The following CD6 variants were observed in gnomAD, a reference collection of about 807,000 sequenced individuals.
CD6 encodes the protein T-cell differentiation antigen CD6.
CD6 carries 53 observed loss-of-function variants against 75.3 expected under a neutral mutation model. The ratio of observed to expected loss-of-function variants is 0.70; its 90% CI spans 0.56 to 0.88. The LOEUF (loss-of-function observed/expected upper bound fraction) is 0.88, where lower values mean the gene tolerates loss of function less well. CD6 is among the 40% of genes least tolerant of loss of function. CD6 has a pLI of 0.00. For synonymous variants in CD6, 359 were observed against 381.5 expected (o/e 0.94, Z 0.69); for missense variants, 770 against 897.1 (o/e 0.86, Z 1.81).
At chr11:60,994,450 C>A (rs976804763) in intron 1 of CD6, among the ~76,000 whole-genome samples, 3 of 398 alleles carry the variant, frequency 7.5e-3, no homozygotes, top group Non-Finnish European at 0.013. Context: ...CTCCCCAACA[C>A]CCCCGCCAAA....
At chr11:61,008,130 C>T (rs1466778442) in intron 3 of CD6, among the ~76,000 whole-genome samples, 8 of 152,150 alleles carry the variant, frequency 5.3e-5, no homozygotes, top group Non-Finnish European at 2.9e-5. Flanking sequence ...TCCACCCCCA[C>T]ACTTGGTTCC....
At chr11:60,980,361 GGATGT>G (rs1798741983) in intron 1 of CD6, among the ~76,000 whole-genome samples, 3 of 152,124 alleles carry the variant, frequency 2.0e-5, no homozygotes, top group Admixed American at 2.0e-4. Context: ...AAAGTTAGCC[GGATGT>G]GAGATTCATG....
chr11:60,994,457 C>CAAAAAAAAAAA (rs61349237), intron 1 of CD6, among the ~76,000 whole-genome samples: 10,974 of 52,542 alleles, frequency 0.21, 1,892 homozygotes, highest in African/African-American at 0.46. Flanking sequence ...ACACCCCCGC[C>CAAAAAAAAAAA]AAAAAAAAAA....
At chr11:60,977,440 A>G (rs537343755) in intron 1 of CD6, among the ~76,000 whole-genome samples, 26 of 152,212 alleles carry the variant, frequency 1.7e-4, no homozygotes, top group African/African-American at 5.8e-4. Context: ...CCCAGGCTGT[A>G]TCTACTTCCT....
intron 5 of CD6, among the ~76,000 whole-genome samples, 192 bp downstream of exon 5, chr11:61,010,066 C>T (rs960523916): frequency 1.4e-4 from 21 of 152,222 alleles, no homozygotes; most frequent in South Asian, 8.3e-4. Context: ...AGATGCTCCA[C>T]TCAGCCCCAG....
intron 1 of CD6, among the ~76,000 whole-genome samples, chr11:60,994,942 A>G (rs924232022): frequency 6.6e-6 from 1 of 152,180 alleles, no homozygotes; most frequent in Non-Finnish European, 1.5e-5. Context: ...CACAGCAGCC[A>G]GTCACCTCTG....
At chr11:60,999,186 G>A (rs1049501506) in intron 1 of CD6, among the ~76,000 whole-genome samples, 1 of 150,418 alleles carries the variant, frequency 6.6e-6, no homozygotes, top group African/African-American at 2.4e-5. Context: ...AGGAAGGAAG[G>A]AAAACTTATT....
At chr11:60,979,189 G>A (rs1457594195) in intron 1 of CD6, among the ~76,000 whole-genome samples, 1 of 152,178 alleles carries the variant, frequency 6.6e-6, no homozygotes, top group Non-Finnish European at 1.5e-5. Context: ...TTCTAGCATA[G>A]GGTTTCTCCC....
intron 6 of CD6, among the ~76,000 whole-genome samples, chr11:61,011,855 C>A (rs1421269255): frequency 6.6e-6 from 1 of 152,200 alleles, no homozygotes; most frequent in Non-Finnish European, 1.5e-5. Context: ...GCCTCAGACA[C>A]CTCAATTATA....
chr11:60,988,051 A>T (rs1857899407), intron 1 of CD6: 1 of 152,330 alleles, frequency 6.6e-6, no homozygotes, highest in African/African-American at 2.4e-5. Flanking sequence ...GAAGAGGAGT[A>T]GGGGACAGCC....
At chr11:60,982,899 CA>C in intron 1 of CD6, 1 of 379,258 alleles carries the variant, frequency 2.6e-6, no homozygotes, top group Non-Finnish European at 5.2e-6. Flanking sequence ...GTGAACCAGG[CA>C]CAGGCTTAAC....
chr11:61,001,198 CTTTTT>C (rs143567183), intron 1 of CD6, among the ~76,000 whole-genome samples: 4 of 110,334 alleles, frequency 3.6e-5, no homozygotes, highest in Admixed American at 1.1e-4. Context: ...GATGATGTGT[CTTTTT>C]TTTTTTTTTT....
intron 1 of CD6, among the ~76,000 whole-genome samples, chr11:60,991,977 G>A (rs922937221): frequency 1.3e-5 from 2 of 151,270 alleles, no homozygotes; most frequent in African/African-American, 2.4e-5. Flanking sequence ...CAAACTCCTC[G>A]GCCCAAGTGA....
Position 61,008,604 on chromosome 11 carries a change from C to T in CD6, c.540C>T (p.Gly180=). 6.2e-7 allele frequency: 1 copy of T among 1,608,076 alleles called. No individual in the cohort carries two copies. Among genetic ancestry groups the T allele is most frequent in the East Asian group, 2.2e-5 (1 of 44,670 alleles). ...GCCGCGTGGAGATGCTGGAGCATGG[C>T]GAGTGGGGATCAGTGTGCGATGACA... ...CAGRVEMLEH[G]EWGSVCDDTW... Residue 180 remains glycine (G), a synonymous_variant, in exon 4 of 13, where the codon GGC becomes GGT. Coordinates refer to ENST00000313421, the MANE Select transcript of CD6 (RefSeq NM_006725.5).
chr11:61,015,873 T>A lies in CD6; in HGVS notation c.1510+38T>A, dbSNP rs886875865. 12 of 1,610,490 alleles carry A rather than the reference T, an allele frequency of 7.5e-6. No homozygotes were observed. The African/African-American group carries it at 1.6e-4, about 22-fold the overall frequency. On this transcript the variant is annotated intron_variant, in intron 9 of 12. Coordinates refer to ENST00000313421, the MANE Select transcript of CD6 (RefSeq NM_006725.5). ...CCGGGCTCCCGAGGGCCCACCTACC[T>A]GAATCTGGGAGGGGGCCCCGAGGGG...
intron 12 of CD6, 86 bp from the exon 13 acceptor site, chr11:61,019,168 G>A: frequency 1.0e-6 from 1 of 955,126 alleles, no homozygotes; most frequent in Non-Finnish European, 1.6e-6. Context: ...GGATAGTGAT[G>A]TGGAGCCAGA....
chr11:60,978,079 GAAAT>G (rs1302102317), intron 1 of CD6, among the ~76,000 whole-genome samples: 2 of 152,186 alleles, frequency 1.3e-5, no homozygotes, highest in Admixed American at 6.5e-5. Flanking sequence ...GGCTGAAAGG[GAAAT>G]AAAGAGTATG....
chr11:61,009,615 G>A lies in CD6; in HGVS notation c.825G>A (p.Glu275=). 6.2e-6 allele frequency: 10 copies of A among 1,613,102 alleles called. No individual in the cohort carries two copies. The highest frequency in any genetic ancestry group is 8.5e-6 in the Non-Finnish European group (10 of 1,179,732). Residue 275 remains glutamate, a synonymous_variant, in exon 5 of 13, where the codon GAG becomes GAA. Transcript: ENST00000313421. ...TGACAGGGGGCGCTGACCGCTGCGA[G>A]GGGCAGGTGGAGGTACACTTCCGAG... The part of the protein sequence containing the change: ...WRLTGGADRC[E]GQVEVHFRGV...
intron 1 of CD6, among the ~76,000 whole-genome samples, chr11:60,975,485 A>T (rs186358219): frequency 6.6e-6 from 1 of 152,222 alleles, no homozygotes; most frequent in African/African-American, 2.4e-5. Flanking sequence ...TTAAGTTTAC[A>T]TATTCCTTTT....
Sources: allele counts gnomAD v4.1 joint callset (sites outside exome capture counted in the v4.1 genomes callset), GRCh38; gene constraint gnomAD v4.1.1; transcripts MANE v1.5; gene names NCBI Gene and HGNC (gene_info 2026-07-23, HGNC 2026-07-21).